ARHGAP26: variants seen among roughly 807,000 people sequenced by gnomAD.
ARHGAP26 encodes rho GTPase-activating protein 26.
A neutral mutation model predicts 104.8 loss-of-function variants in ARHGAP26; 38 were observed. The observed-to-expected ratio is 0.36, with a 90% CI of 0.28 to 0.48. ARHGAP26 has a LOEUF of 0.48. Ranked by LOEUF, ARHGAP26 falls within the 20% of genes least tolerant of loss-of-function variation. ARHGAP26 has a pLI of 0.99. For missense variants in ARHGAP26, 704 were observed against 947.9 expected (o/e 0.74, Z 3.38); for synonymous variants, 341 against 340.0 (o/e 1.00, Z -0.03).
intron 17 of ARHGAP26, among the ~76,000 whole-genome samples, chr5:143,093,792 TC>T (rs77913522): frequency 0.01 from 1,587 of 152,264 alleles, 30 homozygotes; most frequent in East Asian, 0.086. Flanking sequence ...TACTCTTTCT[TC>T]CTCTGAGAAG....
intron 1 of ARHGAP26, among the ~76,000 whole-genome samples, chr5:142,785,415 C>T (rs1758377307): frequency 6.6e-6 from 1 of 152,226 alleles, no homozygotes; most frequent in Non-Finnish European, 1.5e-5. Context: ...CTAGTGCAAC[C>T]TGACTAATGC....
chr5:142,961,563 G>T (rs1437990671), intron 11 of ARHGAP26, among the ~76,000 whole-genome samples: 1 of 152,136 alleles, frequency 6.6e-6, no homozygotes, highest in Non-Finnish European at 1.5e-5. Flanking sequence ...GCATAATAGG[G>T]AGTAGCACTC....
chr5:142,905,346 T>G (rs1157970816), intron 8 of ARHGAP26, among the ~76,000 whole-genome samples: 1 of 152,204 alleles, frequency 6.6e-6, no homozygotes, highest in Non-Finnish European at 1.5e-5. Flanking sequence ...GAGGACACTT[T>G]TTTGTTCCCT....
chr5:143,157,806 C>T (rs745512879), intron 20 of ARHGAP26, among the ~76,000 whole-genome samples: 10 of 152,158 alleles, frequency 6.6e-5, no homozygotes, highest in Non-Finnish European at 1.0e-4. Context: ...GGTTATATCA[C>T]GTGAAAAGCA....
At chr5:142,852,913 A>G (rs1209980474) in intron 1 of ARHGAP26, among the ~76,000 whole-genome samples, 1 of 152,214 alleles carries the variant, frequency 6.6e-6, no homozygotes, top group Non-Finnish European at 1.5e-5. Flanking sequence ...CATGACATTG[A>G]GCCTCTCCTT....
chr5:142,888,676 G>C (rs1758058208), intron 5 of ARHGAP26, among the ~76,000 whole-genome samples: 1 of 152,182 alleles, frequency 6.6e-6, no homozygotes, highest in Non-Finnish European at 1.5e-5. Context: ...GATGTGGAAT[G>C]GCACTGCCAT....
At chr5:143,154,073 C>T (rs1800168838) in intron 20 of ARHGAP26, among the ~76,000 whole-genome samples, 1 of 151,110 alleles carries the variant, frequency 6.6e-6, no homozygotes, top group African/African-American at 2.4e-5. Flanking sequence ...TTTAGTTGGT[C>T]AACATTCATT....
intron 21 of ARHGAP26, chr5:143,207,538 GC>G: frequency 2.6e-6 from 4 of 1,561,528 alleles, no homozygotes; most frequent in Non-Finnish European, 3.5e-6. Context: ...ACAACAGGGG[GC>G]TGCCCCTGCT....
chr5:142,964,923 G>A (rs1470645840), intron 11 of ARHGAP26, among the ~76,000 whole-genome samples: 1 of 152,246 alleles, frequency 6.6e-6, no homozygotes, highest in South Asian at 2.1e-4. Context: ...TGGTGGCCCC[G>A]AATGTCTGGC....
At position 142,770,660 on chromosome 5, in the gene ARHGAP26, C is replaced by G; in HGVS notation, c.-102C>G. 1.1e-6 allele frequency: 1 copy of G among 888,510 alleles called. No homozygotes were observed. Among genetic ancestry groups the G allele is most frequent in the Non-Finnish European group, 1.4e-6 (1 of 728,532 alleles). The allele number at this position is 888,510 out of a possible 1,614,324, so 55.0% of individuals were successfully genotyped here. ...GCGCCACACCTGTGGAGCCGGCGGC[C>G]GTCGGGGGAGCCGGCCGGGGTCCCG... On this transcript the variant is annotated 5_prime_UTR_variant, in exon 1 of 23. Transcript: ENST00000645722.
chr5:142,793,350 G>A (rs1283580898), intron 1 of ARHGAP26, among the ~76,000 whole-genome samples: 1 of 145,496 alleles, frequency 6.9e-6, no homozygotes, highest in Non-Finnish European at 1.5e-5. Context: ...TTGAAATACT[G>A]ATGGTGAGTC....
intron 17 of ARHGAP26, among the ~76,000 whole-genome samples, chr5:143,102,827 A>T (rs760705362): frequency 2.0e-5 from 3 of 151,568 alleles, no homozygotes; most frequent in Non-Finnish European, 4.4e-5. Flanking sequence ...AATTTTCAGT[A>T]CTTTTTTCAC....
At chr5:142,932,928 TGG>T (rs1384955900) in intron 11 of ARHGAP26, among the ~76,000 whole-genome samples, 1 of 152,252 alleles carries the variant, frequency 6.6e-6, no homozygotes, top group Non-Finnish European at 1.5e-5. Flanking sequence ...TATACAAACA[TGG>T]GACGTAGTCA....
chr5:142,854,565 T>C (rs983867042), intron 1 of ARHGAP26, among the ~76,000 whole-genome samples: 9 of 152,326 alleles, frequency 5.9e-5, no homozygotes, highest in African/African-American at 2.2e-4. Context: ...TATGACACTG[T>C]TATAATATAT....
At chr5:142,882,285 A>T (rs76432021) in intron 4 of ARHGAP26, among the ~76,000 whole-genome samples, 4 of 152,214 alleles carry the variant, frequency 2.6e-5, no homozygotes, top group Non-Finnish European at 4.4e-5. Flanking sequence ...TATGAAGAAG[A>T]AGTGAGTGAA....
chr5:142,993,622 T>C (rs1193545575), intron 11 of ARHGAP26, among the ~76,000 whole-genome samples: 1 of 151,904 alleles, frequency 6.6e-6, no homozygotes, highest in African/African-American at 2.4e-5. Context: ...CATTTTTAAT[T>C]ACAAACTAGA....
chr5:143,078,527 A>G (rs1789365048), intron 17 of ARHGAP26, among the ~76,000 whole-genome samples: 1 of 152,078 alleles, frequency 6.6e-6, no homozygotes, highest in African/African-American at 2.4e-5. Flanking sequence ...CTCAGACTAC[A>G]TCTGGAATTT....
chr5:142,770,927 G>A lies in ARHGAP26; in HGVS notation c.154+12G>A, dbSNP rs769379565. On this transcript the variant is annotated intron_variant, in intron 1 of 22. Transcript: ENST00000645722. ...AAGCGCGCTCAAGAGTGAGTGTCCC[G>A]AGCCCCTCGGGGACGCGGCTCCGGG... The A allele has an allele frequency of 6.9e-6, 11 of 1,599,254 alleles. No homozygotes were observed. The highest frequency in any genetic ancestry group is 1.7e-4 in the Middle Eastern group (1 of 6,002).
intron 20 of ARHGAP26, 73 bp downstream of exon 20, chr5:143,147,454 C>T (rs1799306041): frequency 1.3e-6 from 2 of 1,518,260 alleles, no homozygotes; most frequent in Non-Finnish European, 1.8e-6. Flanking sequence ...TGCTGTCTGG[C>T]TCCATCTGAC....
Sources: allele counts gnomAD v4.1 joint callset (sites outside exome capture counted in the v4.1 genomes callset), GRCh38; gene constraint gnomAD v4.1.1; transcripts MANE v1.5; gene names NCBI Gene and HGNC (gene_info 2026-07-23, HGNC 2026-07-21).